Variants in TRAF7 observed in about 807,000 individuals in gnomAD.
TRAF7 encodes the protein TNF receptor associated factor 7.
Under a neutral mutation model 89.3 loss-of-function variants are expected in TRAF7, and 45 were observed. That is an observed-to-expected ratio of 0.50 (90% CI 0.40 to 0.65). The LOEUF is 0.65. TRAF7 is among the 30% of genes least tolerant of loss of function. The pLI is 0.00. For missense variants in TRAF7, 677 were observed against 918.1 expected (o/e 0.74, Z 3.39); for synonymous variants, 406 against 369.2 (o/e 1.10, Z -1.14).
At chr16:2,160,441 T>C (rs1335310265) in intron 1 of TRAF7, among the ~76,000 whole-genome samples, 3 of 134,634 alleles carry the variant, frequency 2.2e-5, no homozygotes, top group Admixed American at 7.5e-5. Context: ...GACGGGCAGG[T>C]GGTGTGGACA....
chr16:2,175,224 T>C, intron 15 of TRAF7, 74 bp downstream of exon 15: 2 of 1,612,034 alleles, frequency 1.2e-6, no homozygotes, highest in Non-Finnish European at 1.7e-6. Flanking sequence ...CCCAGGGACG[T>C]GTTTCTCCCC....
Position 2,176,854 on chromosome 16 carries a change from CCT to C in TRAF7, c.*281_*282del, listed in dbSNP as rs2093139250. 1 of 566,938 alleles carries C rather than the reference CCT, an allele frequency of 1.8e-6. No homozygotes were observed. The highest frequency in any genetic ancestry group is 3.1e-5 in the Admixed American group (1 of 32,648). 35.1% of individuals were successfully genotyped at this position (566,938 alleles called of 1,614,324 possible). Reference sequence around the variant, plus strand: ...ATCCCCACCCTAGATGGAGCGAGGGCCTTTTTACTCACCTTTTCTACCGTTTT... The same window carrying C: ...ATCCCCACCCTAGATGGAGCGAGGGCTTTTACTCACCTTTTCTACCGTTTT... On this transcript the variant is annotated 3_prime_UTR_variant, in exon 21 of 21. Transcript: ENST00000326181.
chr16:2,172,880 A>T (rs2093119214), intron 9 of TRAF7, among the ~76,000 whole-genome samples: 1 of 149,812 alleles, frequency 6.7e-6, no homozygotes, highest in East Asian at 2.0e-4. Context: ...GTGGGAGGAG[A>T]GGCAGGAGCC....
In TRAF7 at chr16:2,162,712, G is replaced by C. The variant is rs1260596191; in HGVS notation, c.-38-1171G>C. Among the ~76,000 whole-genome samples the C allele has an allele frequency of 2.0e-5, 3 of 152,050 alleles. No homozygotes were observed. Among genetic ancestry groups the C allele is most frequent in the African/African-American group, 7.2e-5 (3 of 41,424 alleles). On this transcript the variant is annotated intron_variant, in intron 1 of 20. Coordinates refer to ENST00000326181, the MANE Select transcript of TRAF7 (RefSeq NM_032271.3). This position sits in a 1 kb window ranked among gnomAD's most constrained non-coding sequence, Gnocchi z 5.0. Reference sequence around the variant, plus strand: ...CTGCCTTGGGAGCTGAGCCCATGGTGTGTCCTCATGGGGTGCTGCGCATGG... The same window carrying C: ...CTGCCTTGGGAGCTGAGCCCATGGTCTGTCCTCATGGGGTGCTGCGCATGG...
chr16:2,157,612 G>A (rs544961504), intron 1 of TRAF7, among the ~76,000 whole-genome samples: 94 of 152,240 alleles, frequency 6.2e-4, no homozygotes, highest in Admixed American at 1.2e-3. Context: ...CTGGCACCCC[G>A]TGGTTGGTGT....
rs980469362 is a variant in TRAF7 at position 2,162,855 on chromosome 16, G to A, written c.-38-1028G>A. On this transcript the variant is annotated intron_variant, in intron 1 of 20. Coordinates refer to ENST00000326181, the MANE Select transcript of TRAF7 (RefSeq NM_032271.3). The surrounding 1 kb of genome is among the most constrained non-coding windows in gnomAD (Gnocchi z 5.0). ...CGGCTGCGCTATCCGCTGCCAGCAG[G>A]AGACAGGGCTGTCCCAGCTGCATTC... is the stretch of plus-strand genomic sequence containing the variant. Among the ~76,000 whole-genome samples the A allele has an allele frequency of 6.6e-6, 1 of 152,078 alleles. No individual in the cohort carries two copies. The highest frequency in any genetic ancestry group is 1.5e-5 in the Non-Finnish European group (1 of 67,996).
Position 2,161,519 on chromosome 16 carries a change from C to T in TRAF7, c.-38-2364C>T, listed in dbSNP as rs916622210. On this transcript the variant is annotated intron_variant, in intron 1 of 20. Coordinates refer to ENST00000326181, the MANE Select transcript of TRAF7 (RefSeq NM_032271.3). The surrounding 1 kb of genome is among the most constrained non-coding windows in gnomAD (Gnocchi z 5.2). ...TGCTGGGGTCCTGGCCACCTGGGCC[C>T]CCGGGCAGGCATCACTGGCAGGGCT... Among the ~76,000 whole-genome samples the T allele has an allele frequency of 3.3e-5, 5 of 152,176 alleles. No individual in the cohort carries two copies. The highest frequency in any genetic ancestry group is 5.9e-5 in the Non-Finnish European group (4 of 68,030).
intron 17 of TRAF7, 54 bp downstream of exon 17, chr16:2,175,676 C>T (rs532214482): frequency 6.3e-7 from 1 of 1,597,350 alleles, no homozygotes; most frequent in South Asian, 1.1e-5. Context: ...CCAGCACTTC[C>T]CAGGCCAGCA....
intron 5 of TRAF7, 91 bp from the exon 6 acceptor site, chr16:2,171,173 C>A: frequency 9.3e-7 from 1 of 1,070,374 alleles, no homozygotes; most frequent in Non-Finnish European, 1.4e-6. Flanking sequence ...AGAGGACAGC[C>A]AGGCCTGGAG....
intron 14 of TRAF7, among the ~76,000 whole-genome samples, chr16:2,174,902 C>G (rs1392981478): frequency 7.9e-5 from 12 of 152,244 alleles, no homozygotes; most frequent in Admixed American, 6.5e-4. Flanking sequence ...CAAATGCTTT[C>G]CAGGCAGGCA....
At chr16:2,164,181 C>CACGCGTGCGT (rs1567247464) in intron 2 of TRAF7, among the ~76,000 whole-genome samples, 180 bp downstream of exon 2, 5 of 122,780 alleles carry the variant, frequency 4.1e-5, no homozygotes, top group East Asian at 2.3e-4. Flanking sequence ...CGCGCGCGCG[C>CACGCGTGCGT]ACGCGTGCGT....
In TRAF7 at chr16:2,158,302, C is replaced by T. The variant is rs2093044168; in HGVS notation, c.-39+2444C>T. On this transcript the variant is annotated intron_variant, in intron 1 of 20. Coordinates refer to ENST00000326181, the MANE Select transcript of TRAF7 (RefSeq NM_032271.3). This position sits in a 1 kb window ranked among gnomAD's most constrained non-coding sequence, Gnocchi z 4.7. ...CCCTTAGTCTTTGACAGATCCGCTGCTGTCCCCAGCCTTGCTCCCTGGAGG... is the reference window on the plus strand; with the variant it reads ...CCCTTAGTCTTTGACAGATCCGCTGTTGTCCCCAGCCTTGCTCCCTGGAGG... 6.6e-6 allele frequency among the ~76,000 whole-genome samples: 1 copy of T among 152,228 alleles called. No individual in the cohort carries two copies. The highest frequency in any genetic ancestry group is 1.5e-5 in the Non-Finnish European group (1 of 68,042).
chr16:2,173,048 G>A (rs1372802443), intron 9 of TRAF7, 134 bp from the exon 10 acceptor site: 2 of 746,432 alleles, frequency 2.7e-6, no homozygotes, highest in East Asian at 5.4e-5. Context: ...GGAGGGGCAG[G>A]ACGGCAGGTG....
At chr16:2,166,362 A>C (rs1479524560) in intron 3 of TRAF7, among the ~76,000 whole-genome samples, 2 of 152,142 alleles carry the variant, frequency 1.3e-5, no homozygotes, top group Non-Finnish European at 2.9e-5. Flanking sequence ...ACAGTGCTGC[A>C]GTTGTGACAT....
rs539247002 is a variant in TRAF7 at position 2,176,433 on chromosome 16, C to T, written c.1998+49C>T. The T allele has an allele frequency of 2.6e-5, 42 of 1,611,888 alleles. No homozygotes were observed. In the East Asian group the frequency reaches 2.9e-4, roughly 11 times the overall value. On this transcript the variant is annotated intron_variant, in intron 20 of 20. Coordinates refer to ENST00000326181, the MANE Select transcript of TRAF7 (RefSeq NM_032271.3). ...TTCAAAGGGGCTGCACAGGATGGAGCGGGGGTGGGGACGAGGAGCTGGCAG... is the reference window on the plus strand; with the variant it reads ...TTCAAAGGGGCTGCACAGGATGGAGTGGGGGTGGGGACGAGGAGCTGGCAG...
At chr16:2,164,603 G>A (rs976615773) in intron 2 of TRAF7, among the ~76,000 whole-genome samples, 1 of 136,088 alleles carries the variant, frequency 7.3e-6, no homozygotes, top group Non-Finnish European at 1.6e-5. Context: ...CGGCCTGGTC[G>A]CATGGTTAAG....
In TRAF7 at chr16:2,173,339, A is replaced by G; in HGVS notation, c.952A>G (p.Met318Val). 6.2e-7 allele frequency: 1 copy of G among 1,613,600 alleles called. No individual in the cohort carries two copies. Among genetic ancestry groups the G allele is most frequent in the Non-Finnish European group, 8.5e-7 (1 of 1,180,008 alleles). The change falls in exon 10 of 21, where the codon ATG becomes GTG. Residue 318 changes from methionine to valine, a missense_variant. By Grantham distance (21) the Met-to-Val change is conservative. This residue lies in a region of TRAF7 where 238 missense variants were observed against 352.6 expected (regional missense o/e 0.67). Coordinates refer to ENST00000326181, the MANE Select transcript of TRAF7 (RefSeq NM_032271.3). ...CCAGGAGATCGCCTTCCTGCGCTCCATGCTGGGAAAGCTCTCGGAGAAGAT... is the reference window on the plus strand; with the variant it reads ...CCAGGAGATCGCCTTCCTGCGCTCCGTGCTGGGAAAGCTCTCGGAGAAGAT... ...KDQEIAFLRSMLGKLSEKIDQ... is the reference protein window; with the variant it reads ...KDQEIAFLRSVLGKLSEKIDQ...
intron 3 of TRAF7, 129 bp from the exon 4 acceptor site, chr16:2,167,948 G>A: frequency 1.3e-6 from 1 of 763,438 alleles, no homozygotes; most frequent in Non-Finnish European, 2.1e-6. Flanking sequence ...ATGCTTTCCT[G>A]CCTGCCTGGC....
intron 5 of TRAF7, 72 bp from the exon 6 acceptor site, chr16:2,171,192 C>T: frequency 2.3e-6 from 3 of 1,297,418 alleles, no homozygotes; most frequent in Non-Finnish European, 3.2e-6. Flanking sequence ...AGCAAGAGCG[C>T]CTGGGTGCCT....
Sources: allele counts gnomAD v4.1 joint callset (sites outside exome capture counted in the v4.1 genomes callset), GRCh38; gene constraint gnomAD v4.1.1; regional missense constraint gnomAD v4.1.1; non-coding constraint Gnocchi (gnomAD v3.1); transcripts MANE v1.5; gene names NCBI Gene and HGNC (gene_info 2026-07-23, HGNC 2026-07-21).